Variants in TBC1D14 observed in about 807,000 individuals in gnomAD.
TBC1D14 encodes TBC1 domain family, member 14.
Under a neutral mutation model 79.0 loss-of-function variants are expected in TBC1D14, and 26 were observed. That is an observed-to-expected ratio of 0.33 (90% CI 0.24 to 0.46). The LOEUF is 0.46. Ranked by LOEUF, TBC1D14 falls within the 20% of genes least tolerant of loss-of-function variation. The pLI, the probability that TBC1D14 is intolerant of heterozygous loss-of-function variation, is 1.00. For synonymous variants in TBC1D14, 394 were observed against 349.9 expected (o/e 1.13, Z -1.40); for missense variants, 769 against 887.6 (o/e 0.87, Z 1.70).
chr4:6,982,989 C>G (rs1478337363), intron 3 of TBC1D14, among the ~76,000 whole-genome samples: 3 of 152,096 alleles, frequency 2.0e-5, no homozygotes, highest in African/African-American at 7.2e-5. Context: ...CACTTTTGTA[C>G]CTTTTGTATT....
intron 2 of TBC1D14, among the ~76,000 whole-genome samples, chr4:6,950,714 C>T (rs1283504553): frequency 1.3e-5 from 2 of 152,138 alleles, no homozygotes; most frequent in Admixed American, 1.3e-4. Context: ...TGGTAAAGAA[C>T]GTATTTTTCT....
intron 2 of TBC1D14, among the ~76,000 whole-genome samples, chr4:6,927,803 C>G (rs778619575): frequency 1.1e-4 from 16 of 152,220 alleles, no homozygotes; most frequent in Non-Finnish European, 1.8e-4. Context: ...GACAGAATCA[C>G]CCAGCCTTTG....
intron 3 of TBC1D14, among the ~76,000 whole-genome samples, chr4:6,988,055 G>A (rs1182494244): frequency 5.3e-5 from 8 of 152,218 alleles, no homozygotes; most frequent in African/African-American, 1.7e-4. Context: ...CAGGCTTCAG[G>A]GGTTAGCCGG....
chr4:6,947,446 C>T (rs1406152659), intron 2 of TBC1D14, among the ~76,000 whole-genome samples: 4 of 150,202 alleles, frequency 2.7e-5, no homozygotes, highest in African/African-American at 7.4e-5. Context: ...TGCAGTGAGC[C>T]GAGATCGTGC....
intron 1 of TBC1D14, among the ~76,000 whole-genome samples, chr4:6,920,341 C>G (rs1408610929): frequency 1.3e-5 from 2 of 151,878 alleles, no homozygotes; most frequent in Non-Finnish European, 2.9e-5. Flanking sequence ...GTGATCATAG[C>G]TCATTGCTAT....
rs188270295 is a variant in TBC1D14 at position 6,946,990 on chromosome 4, A to C, written c.723-20314A>C. Reference sequence around the variant, plus strand: ...ACTATTAGGTGGAGATTAAGAATAAATTAGTATTTTTCTTAGTACTGTTTT... The same window carrying C: ...ACTATTAGGTGGAGATTAAGAATAACTTAGTATTTTTCTTAGTACTGTTTT... On this transcript the variant is annotated intron_variant, in intron 2 of 13. Coordinates refer to ENST00000409757, the MANE Select transcript of TBC1D14 (RefSeq NM_020773.3). Among the ~76,000 whole-genome samples, 85 of 152,310 alleles carry C rather than the reference A, an allele frequency of 5.6e-4. 1 individual carries two copies. The highest frequency in any genetic ancestry group is 1.6e-4 in the Non-Finnish European group (11 of 68,032).
intron 2 of TBC1D14, among the ~76,000 whole-genome samples, chr4:6,954,512 C>G (rs779000864): frequency 2.6e-5 from 4 of 152,224 alleles, no homozygotes; most frequent in Non-Finnish European, 5.9e-5. Context: ...ATCTAGGCAG[C>G]ATCTCTGAGT....
intron 3 of TBC1D14, among the ~76,000 whole-genome samples, chr4:6,987,877 T>C (rs1187857007): frequency 6.6e-6 from 1 of 152,230 alleles, no homozygotes; most frequent in African/African-American, 2.4e-5. Context: ...CTTTTGATGC[T>C]CTGGGAGGAA....
intron 4 of TBC1D14, 85 bp from the exon 5 acceptor site, chr4:6,996,240 T>G: frequency 1.8e-6 from 2 of 1,107,346 alleles, no homozygotes; most frequent in Non-Finnish European, 2.7e-6. Context: ...GCTTTATATT[T>G]TTTAGGAAAT....
intron 11 of TBC1D14, 80 bp downstream of exon 11, chr4:7,010,861 G>GA (rs932347167): frequency 1.3e-5 from 19 of 1,471,636 alleles, no homozygotes; most frequent in Non-Finnish European, 1.8e-5. Context: ...GTTTTCGGTG[G>GA]AAAAAAAGAA....
At chr4:6,921,449 C>T (rs1041820046) in intron 1 of TBC1D14, among the ~76,000 whole-genome samples, 1 of 152,164 alleles carries the variant, frequency 6.6e-6, no homozygotes, top group Non-Finnish European at 1.5e-5. Context: ...CGAAGCGATC[C>T]TCCTGCCTCT....
chr4:6,934,231 A>G (rs1712075768), intron 2 of TBC1D14, among the ~76,000 whole-genome samples: 1 of 151,854 alleles, frequency 6.6e-6, no homozygotes, highest in African/African-American at 2.4e-5. Context: ...GCCTGCCGGC[A>G]CCAGGAGATC....
At chr4:6,924,581 C>T (rs1724137179) in intron 2 of TBC1D14, among the ~76,000 whole-genome samples, 1 of 152,182 alleles carries the variant, frequency 6.6e-6, no homozygotes. Flanking sequence ...TGGCTGTGCT[C>T]TCGTGTGCCT....
Position 6,911,764 on chromosome 4 carries a change from A to G in TBC1D14, c.-18+1813A>G, listed in dbSNP as rs1313788435. Among the ~76,000 whole-genome samples, 3 of 152,046 alleles carry G rather than the reference A, an allele frequency of 2.0e-5. No homozygotes were observed. The East Asian group carries it at 5.8e-4, about 29-fold the overall frequency. On this transcript the variant is annotated intron_variant, in intron 1 of 13. Coordinates refer to ENST00000409757, the MANE Select transcript of TBC1D14 (RefSeq NM_020773.3). ...ACAGCTAGTCAGAGCAGCTTGTTTG[A>G]ATCTCTCTCTCCCGTTGGTCAGAGC...
rs1006242553 is a variant in TBC1D14 at position 7,032,910 on chromosome 4, C to G, written c.*2518C>G. 11 of 152,518 alleles carry G rather than the reference C, an allele frequency of 7.2e-5. No homozygotes were observed. The highest frequency in any genetic ancestry group is 2.4e-4 in the African/African-American group (10 of 41,460). 9.4% of individuals were successfully genotyped at this position (152,518 alleles called of 1,614,324 possible). A position where few individuals can be genotyped will look rare whatever the true frequency, so the allele number is the denominator to read the frequency against. ...TGGGATCCCATTTAGAAACGGCATT[C>G]ACTTCAGAAGGTACTTTTTAACTGC... On this transcript the variant is annotated 3_prime_UTR_variant, in exon 14 of 14. Transcript: ENST00000409757.
chr4:6,946,532 A>G (rs902532019), intron 2 of TBC1D14, among the ~76,000 whole-genome samples: 1 of 152,146 alleles, frequency 6.6e-6, no homozygotes, highest in Non-Finnish European at 1.5e-5. Context: ...CATGTTGGTC[A>G]TGCTGGTCTC....
chr4:7,025,181 G>T lies in TBC1D14; in HGVS notation c.1935G>T (p.Leu645=). Residue 645 remains leucine, a synonymous_variant, in exon 13 of 14, where the codon CTG becomes CTT. Coordinates refer to ENST00000409757, the MANE Select transcript of TBC1D14 (RefSeq NM_020773.3). The stretch of plus-strand genomic sequence containing the variant: ...ACATGGCCCAGTTCCTGACCCGGCT[G>T]CCCGAGGACCTGCCCGCCGAGGAGC... ...FIHMAQFLTR[L]PEDLPAEELF... 6.2e-7 allele frequency: 1 copy of T among 1,614,198 alleles called. No homozygotes were observed. The highest frequency in any genetic ancestry group is 8.5e-7 in the Non-Finnish European group (1 of 1,180,028).
In TBC1D14 at chr4:7,010,047, C is replaced by T. The variant is rs116083888; in HGVS notation, c.1518+99C>T. On this transcript the variant is annotated intron_variant, in intron 10 of 13. Coordinates refer to ENST00000409757, the MANE Select transcript of TBC1D14 (RefSeq NM_020773.3). Reference sequence around the variant, plus strand: ...GCTGCAAATGTCATGCCAGTGCCTTCGTTTTTGCCGAGGAGTATGAAAAGT... The same window carrying T: ...GCTGCAAATGTCATGCCAGTGCCTTTGTTTTTGCCGAGGAGTATGAAAAGT... 1,242 of 1,352,900 alleles carry T rather than the reference C, an allele frequency of 9.2e-4. 5 individuals are homozygous for T. In the African/African-American group the frequency reaches 0.014, roughly 16 times the overall value. 83.8% of individuals were successfully genotyped at this position (1,352,900 alleles called of 1,614,324 possible). A position where few individuals can be genotyped will look rare whatever the true frequency, so the allele number is the denominator to read the frequency against.
chr4:7,025,329 C>T, intron 13 of TBC1D14, 67 bp downstream of exon 13: 1 of 1,592,954 alleles, frequency 6.3e-7, no homozygotes, highest in Admixed American at 1.7e-5. Context: ...CAGGAAGGCC[C>T]CTACGTAAAG....
Sources: allele counts gnomAD v4.1 joint callset (sites outside exome capture counted in the v4.1 genomes callset), GRCh38; gene constraint gnomAD v4.1.1; transcripts MANE v1.5; gene names NCBI Gene and HGNC (gene_info 2026-07-23, HGNC 2026-07-21).